The following PCDHGB4 variants were observed in gnomAD, a reference collection of about 807,000 sequenced individuals.
PCDHGB4 encodes the protein protocadherin gamma-B4.
A neutral mutation model predicts 60.5 loss-of-function variants in PCDHGB4; 38 were observed. That is an observed-to-expected ratio of 0.63 (90% CI 0.48 to 0.82). PCDHGB4 has a LOEUF of 0.82. Among genes scored for constraint, PCDHGB4 ranks in the 40% least tolerant of loss-of-function variants. PCDHGB4 has a pLI of 0.00. For synonymous variants in PCDHGB4, 456 were observed against 509.7 expected, an observed-to-expected ratio of 0.89 and a Z score of 1.42; for missense variants, 1,109 against 1,209.6, an observed-to-expected ratio of 0.92 and a Z score of 1.23.
chr5:141,488,193 T>C (rs1211647195), intron 1 of PCDHGB4, among the ~76,000 whole-genome samples: 1 of 152,122 alleles, frequency 6.6e-6, no homozygotes, highest in Non-Finnish European at 1.5e-5. Flanking sequence ...TTGGTCTGGG[T>C]CTTAGGACTC....
Position 141,489,595 on chromosome 5 carries a change from G to A in PCDHGB4, c.2398-5212G>A. The A allele has an allele frequency of 1.2e-6, 2 of 1,614,132 alleles. No individual in the cohort carries two copies. Among genetic ancestry groups the A allele is most frequent in the Non-Finnish European group, 1.7e-6 (2 of 1,180,004 alleles). On this transcript the variant is annotated intron_variant, in intron 1 of 3. Coordinates refer to ENST00000519479, the MANE Select transcript of PCDHGB4 (RefSeq NM_003736.4). The surrounding 1 kb of genome is among the most constrained non-coding windows in gnomAD (Gnocchi z 4.5). Reference sequence around the variant, plus strand: ...TGAACACCCCCTGGAGCTAATCCGTGTAGAGGTAGAGATCCTGGATCTCAA... The same window carrying A: ...TGAACACCCCCTGGAGCTAATCCGTATAGAGGTAGAGATCCTGGATCTCAA...
intron 1 of PCDHGB4, chr5:141,433,015 C>T (rs2154555449): frequency 2.5e-6 from 4 of 1,614,172 alleles, no homozygotes; most frequent in South Asian, 2.2e-5. Flanking sequence ...TCCTGCAGAC[C>T]TATTCCCACG....
chr5:141,392,830 G>A lies in PCDHGB4; in HGVS notation c.2397+2549G>A, dbSNP rs747812941. ...AAAACAACAATGGCCGCTCCACAGA[G>A]TCGCCCCAGACGCGGCGAGCTGATC... On this transcript the variant is annotated intron_variant, in intron 1 of 3. Transcript: ENST00000519479. The A allele has an allele frequency of 1.6e-5, 26 of 1,604,568 alleles. No individual in the cohort carries two copies. Among genetic ancestry groups the A allele is most frequent in the Non-Finnish European group, 2.0e-5 (24 of 1,175,404 alleles).
At chr5:141,456,453 A>G (rs1395554812) in intron 1 of PCDHGB4, among the ~76,000 whole-genome samples, 1 of 152,190 alleles carries the variant, frequency 6.6e-6, no homozygotes, top group Non-Finnish European at 1.5e-5. Flanking sequence ...GAGTCCAAAT[A>G]TCAATACAAG....
chr5:141,441,609 A>G (rs922588350), intron 1 of PCDHGB4: 2 of 218,734 alleles, frequency 9.1e-6, no homozygotes, highest in South Asian at 5.5e-5. Context: ...TCCCTATTCC[A>G]TCGTGGCCAG....
At position 141,485,342 on chromosome 5, in the gene PCDHGB4, G is replaced by A; in HGVS notation, c.2398-9465G>A. On this transcript the variant is annotated intron_variant, in intron 1 of 3. Coordinates refer to ENST00000519479, the MANE Select transcript of PCDHGB4 (RefSeq NM_003736.4). The surrounding 1 kb of genome is among the most constrained non-coding windows in gnomAD (Gnocchi z 5.7). ...CGCTCAAGATTTCCTGCTGGATACG[G>A]ACAGTCTGTCAGCTCGCAGGCTGCA... 1 of 1,614,164 alleles carries A rather than the reference G, an allele frequency of 6.2e-7. No homozygotes were observed. The highest frequency in any genetic ancestry group is 8.5e-7 in the Non-Finnish European group (1 of 1,180,026).
In PCDHGB4 at chr5:141,388,903, A is replaced by G. The variant is rs910200040; in HGVS notation, c.1019A>G (p.Asp340Gly). The G allele has an allele frequency of 8.7e-6, 14 of 1,614,010 alleles. No individual in the cohort carries two copies. The highest frequency in any genetic ancestry group is 1.2e-5 in the Non-Finnish European group (14 of 1,179,858). The change falls in exon 1 of 4, where the codon GAC (aspartate) becomes GGC (glycine). Residue 340 changes from aspartate to glycine, a missense_variant. Transcript: ENST00000519479. ...GAGGTAGAAGTCATAGATGAAAATG[A>G]CAACGCCCCAGAAGTGATATTCCAG... ...TVEVEVIDEN[D>G]NAPEVIFQSL...
intron 1 of PCDHGB4, among the ~76,000 whole-genome samples, chr5:141,458,412 G>A (rs2098945236): frequency 6.6e-6 from 1 of 152,034 alleles, no homozygotes; most frequent in Non-Finnish European, 1.5e-5. Context: ...ACGGAGCGGG[G>A]GTTCCAAAGC....
chr5:141,409,508 A>G, intron 1 of PCDHGB4: 2 of 1,614,022 alleles, frequency 1.2e-6, no homozygotes, highest in Non-Finnish European at 1.7e-6. Context: ...TTCTTCCAGT[A>G]GAAGCATCAC....
rs774429693 is a variant in PCDHGB4, at chr5:141,388,576, T to C, written c.692T>C (p.Leu231Pro). 13 of 1,613,890 alleles carry C rather than the reference T, an allele frequency of 8.1e-6. No homozygotes were observed. Among genetic ancestry groups the C allele is most frequent in the South Asian group, 3.3e-5 (3 of 91,072 alleles). Reference sequence around the variant, plus strand: ...AGCAGCACTGCACAGATACACGTTCTAGTGACTGATGCCAATGATAATGCT... The same window carrying C: ...AGCAGCACTGCACAGATACACGTTCCAGTGACTGATGCCAATGATAATGCT... ...PLSSTAQIHV[L>P]VTDANDNAPV... is the part of the protein sequence containing the mutation. Residue 231 changes from leucine (L) to proline (P), a missense_variant, in exon 1 of 4, where the codon CTA becomes CCA. By Grantham distance (98) the Leu-to-Pro change is moderately conservative (BLOSUM62 -3). This residue lies in a region of PCDHGB4 where 1,068 missense variants were observed against 1,089.9 expected (regional missense o/e 0.98). Coordinates refer to ENST00000519479, the MANE Select transcript of PCDHGB4 (RefSeq NM_003736.4).
At position 141,389,126 on chromosome 5, in the gene PCDHGB4, A is replaced by G; in HGVS notation, c.1242A>G (p.Pro414=). The G allele has an allele frequency of 6.2e-7, 1 of 1,614,034 alleles. No individual in the cohort carries two copies. Among genetic ancestry groups the G allele is most frequent in the South Asian group, 1.1e-5 (1 of 91,090 alleles). Residue 414 remains proline, a synonymous_variant, in exon 1 of 4, where the codon CCA becomes CCG. Coordinates refer to ENST00000519479, the MANE Select transcript of PCDHGB4 (RefSeq NM_003736.4). Reference sequence around the variant, plus strand: ...CTGTTCTAGACCGCGAGCAGAATCCAGAGTACAATATAACCGTTACGGCAA... The same window carrying G: ...CTGTTCTAGACCGCGAGCAGAATCCGGAGTACAATATAACCGTTACGGCAA... ...TDAVLDREQN[P]EYNITVTATD...
rs559544645 is a variant in PCDHGB4, at chr5:141,405,144, G to C, written c.2397+14863G>C. ...CATCTGCTGCGGGCTACCAGTGATGGGTTGGCTGGTGTGCCCACCTCACAC... is the reference window on the plus strand; with the variant it reads ...CATCTGCTGCGGGCTACCAGTGATGCGTTGGCTGGTGTGCCCACCTCACAC... On this transcript the variant is annotated intron_variant, in intron 1 of 3. Coordinates refer to ENST00000519479, the MANE Select transcript of PCDHGB4 (RefSeq NM_003736.4). 1.1e-4 allele frequency: 184 copies of C among 1,614,070 alleles called. 1 individual carries two copies. The South Asian group carries it at 1.9e-3, about 17-fold the overall frequency.
intron 1 of PCDHGB4, chr5:141,395,037 G>A: frequency 1.9e-6 from 3 of 1,614,134 alleles, no homozygotes; most frequent in Non-Finnish European, 2.5e-6. Flanking sequence ...ACATTTTGTG[G>A]GTGTTGAGGA....
intron 1 of PCDHGB4, among the ~76,000 whole-genome samples, chr5:141,438,036 C>T (rs1299733977): frequency 4.6e-5 from 7 of 152,026 alleles, no homozygotes; most frequent in South Asian, 2.1e-4. Flanking sequence ...CCACCATGCC[C>T]GACCACTTTG....
At chr5:141,419,348 G>A (rs1195474899) in intron 1 of PCDHGB4, 1 of 1,613,816 alleles carries the variant, frequency 6.2e-7, no homozygotes, top group Non-Finnish European at 8.5e-7. Context: ...CAGCGACCTG[G>A]AGTCACGAAC....
rs750033444 is a variant in PCDHGB4 at position 141,432,950 on chromosome 5, G to C, written c.2397+42669G>C. 1.2e-6 allele frequency: 2 copies of C among 1,614,190 alleles called. No homozygotes were observed. The highest frequency in any genetic ancestry group is 1.7e-6 in the Non-Finnish European group (2 of 1,180,032). ...ACGCCTGCTGCAGGCTTCAGGAGGC[G>C]GCTTGACAGGAGCGCCGGCGTCGCA... On this transcript the variant is annotated intron_variant, in intron 1 of 3. Transcript: ENST00000519479. The surrounding 1 kb of genome is among the most constrained non-coding windows in gnomAD (Gnocchi z 6.0).
intron 1 of PCDHGB4, chr5:141,409,268 A>G (rs753457286): frequency 1.5e-5 from 24 of 1,613,896 alleles, no homozygotes; most frequent in Non-Finnish European, 2.0e-5. Context: ...CTCTGATCAG[A>G]TTTTGGAGAA....
Position 141,388,795 on chromosome 5 carries a change from C to T in PCDHGB4, c.911C>T (p.Thr304Ile). Residue 304 changes from threonine to isoleucine, a missense_variant, in exon 1 of 4, where the codon ACA becomes ATA. This residue lies in a region of PCDHGB4 where 1,068 missense variants were observed against 1,089.9 expected (regional missense o/e 0.98). Coordinates refer to ENST00000519479, the MANE Select transcript of PCDHGB4 (RefSeq NM_003736.4). ...SNTGEITVLN[T>I]LDFEEVKEYS... Reference sequence around the variant, plus strand: ...ACCGGGGAAATTACTGTTTTAAATACATTAGATTTTGAAGAAGTCAAAGAA... The same window carrying T: ...ACCGGGGAAATTACTGTTTTAAATATATTAGATTTTGAAGAAGTCAAAGAA... 1 of 1,613,834 alleles carries T rather than the reference C, an allele frequency of 6.2e-7. No individual in the cohort carries two copies. Among genetic ancestry groups the T allele is most frequent in the Admixed American group, 1.7e-5 (1 of 60,026 alleles).
intron 1 of PCDHGB4, among the ~76,000 whole-genome samples, chr5:141,469,923 G>A (rs1251812588): frequency 1.3e-5 from 2 of 152,200 alleles, no homozygotes; most frequent in Non-Finnish European, 2.9e-5. Flanking sequence ...CCGAGGTCAG[G>A]AGTTTGAGAC....
Sources: gnomAD v4.1 joint callset for allele counts (sites outside exome capture counted in the v4.1 genomes callset) on GRCh38, gnomAD v4.1.1 for gene constraint, gnomAD v4.1.1 regional missense constraint, Gnocchi (gnomAD v3.1) non-coding constraint, MANE v1.5 for transcripts, NCBI Gene and HGNC (gene_info 2026-07-23, HGNC 2026-07-21) for gene names.